SEMA6A: variants seen among roughly 807,000 people sequenced by gnomAD.
SEMA6A encodes semaphorin-6A.
In SEMA6A, 25 loss-of-function variants were observed where a neutral mutation model predicts 96.8. That is an observed-to-expected ratio of 0.26 (90% confidence interval 0.19 to 0.36). The LOEUF is 0.36. SEMA6A is among the 10% of genes least tolerant of loss of function. SEMA6A has a pLI of 1.00. For missense variants in SEMA6A, 1,363 were observed against 1,323.1 expected (o/e 1.03, Z -0.47); for synonymous variants, 612 against 518.0 (o/e 1.18, Z -2.46).
At chr5:116,521,725 T>A (rs529508592) in intron 1 of SEMA6A, among the ~76,000 whole-genome samples, 61 of 152,324 alleles carry the variant, frequency 4.0e-4, no homozygotes, top group African/African-American at 1.4e-3. Context: ...TGTCTCGGCG[T>A]AAAACAGAAC....
rs201428646 is a variant in SEMA6A, at chr5:116,534,861, CAGA to C, written c.-38-29882_-38-29880del. 9.5e-3 allele frequency among the ~76,000 whole-genome samples: 1,453 copies of C among 152,262 alleles called. 71 individuals carry two copies. Among genetic ancestry groups the C allele is most frequent in the Admixed American group, 0.084 (1,278 of 15,284 alleles). Reference sequence around the variant, plus strand: ...CAGATGAAGACTTTATACTTTTCTGCAGAAGGACTGTCTAGAAGGACTACAGAA... The same window carrying C: ...CAGATGAAGACTTTATACTTTTCTGCAGGACTGTCTAGAAGGACTACAGAA... On this transcript the variant is annotated intron_variant, in intron 1 of 18. Transcript: ENST00000343348.
chr5:116,572,142 G>A (rs1050296226), intron 1 of SEMA6A, among the ~76,000 whole-genome samples: 3 of 152,154 alleles, frequency 2.0e-5, no homozygotes, highest in African/African-American at 7.2e-5. Flanking sequence ...TAGCTTTTCT[G>A]AGACCTGCTG....
At chr5:116,552,640 C>A (rs1760463459) in intron 1 of SEMA6A, among the ~76,000 whole-genome samples, 1 of 152,144 alleles carries the variant, frequency 6.6e-6, no homozygotes, top group South Asian at 2.1e-4. Context: ...TGTGAGGGAG[C>A]ATCAGGCCAC....
intron 1 of SEMA6A, among the ~76,000 whole-genome samples, chr5:116,554,390 T>C (rs555006584): frequency 9.0e-4 from 137 of 152,334 alleles, no homozygotes; most frequent in Non-Finnish European, 1.6e-3. Context: ...TTATGGGGCA[T>C]AGTCAAACCA....
At chr5:116,494,547 C>T (rs1314566183) in intron 6 of SEMA6A, among the ~76,000 whole-genome samples, 2 of 152,160 alleles carry the variant, frequency 1.3e-5, no homozygotes, top group Non-Finnish European at 2.9e-5. Context: ...CCAGACTCCT[C>T]ACCTCATGCA....
rs1004942691 is a variant in SEMA6A, at chr5:116,507,996, A to G, written c.-38-3014T>C. ...TTAGGTTCATCTGAAACTAATTTGT[A>G]TTGACTTTCTACACCCAAATTTTTT... On this transcript the variant is annotated intron_variant, in intron 1 of 18. Transcript: ENST00000343348. The G allele has an allele frequency of 6.6e-5, 10 of 152,240 alleles. No individual in the cohort carries two copies. In the South Asian group the frequency reaches 2.1e-3, roughly 32 times the overall value. The allele number at this position is 152,240 out of a possible 1,614,324, so 9.4% of individuals were successfully genotyped here. A position where few individuals can be genotyped will look rare whatever the true frequency, so the allele number is the denominator to read the frequency against.
chr5:116,449,829 A>T (rs1319434009), intron 18 of SEMA6A: 2 of 152,604 alleles, frequency 1.3e-5, no homozygotes, highest in African/African-American at 2.4e-5. Flanking sequence ...TAAGATATCA[A>T]ATAATTTTCA....
At chr5:116,540,496 G>A (rs1580494049) in intron 1 of SEMA6A, among the ~76,000 whole-genome samples, 2 of 152,102 alleles carry the variant, frequency 1.3e-5, no homozygotes, top group African/African-American at 4.8e-5. Flanking sequence ...CATTCCTCCT[G>A]GGAAGGCCTG....
rs539690791 is a variant in SEMA6A, at chr5:116,486,209, G to C, written c.962+540C>G. On this transcript the variant is annotated intron_variant, in intron 10 of 18. Coordinates refer to ENST00000343348, the MANE Select transcript of SEMA6A (RefSeq NM_020796.5). ...GTTAATAACCAAAGTCCTTTATCTT[G>C]AATCCTAGATTTCACCCTGTAGCAA... Among the ~76,000 whole-genome samples the C allele has an allele frequency of 1.4e-4, 21 of 152,262 alleles. No individual in the cohort carries two copies. In the South Asian group the frequency reaches 4.3e-3, roughly 32 times the overall value.
At chr5:116,478,345 T>C (rs142514307) in intron 13 of SEMA6A, 191 bp from the exon 14 acceptor site, 7 of 754,398 alleles carry the variant, frequency 9.3e-6, no homozygotes, top group Middle Eastern at 3.7e-4. Context: ...CACACACATA[T>C]ATGTATCTAT....
Position 116,556,233 on chromosome 5 carries a change from A to T in SEMA6A, c.-39+17952T>A, listed in dbSNP as rs565037946. 4.6e-5 allele frequency among the ~76,000 whole-genome samples: 7 copies of T among 152,362 alleles called. No homozygotes were observed. In the South Asian group the frequency reaches 1.5e-3, roughly 32 times the overall value. The stretch of plus-strand genomic sequence containing the variant: ...TAGGCATGTACTATATTTCCTACAT[A>T]AAATGAAATAATGATTACTTACTTA... On this transcript the variant is annotated intron_variant, in intron 1 of 18. Transcript: ENST00000343348.
Position 116,551,030 on chromosome 5 carries a change from A to G in SEMA6A, c.-39+23155T>C, listed in dbSNP as rs116520860. 4.2e-3 allele frequency among the ~76,000 whole-genome samples: 642 copies of G among 152,272 alleles called. 4 individuals are homozygous for G. Among genetic ancestry groups the G allele is most frequent in the African/African-American group, 0.014 (600 of 41,542 alleles). ...GCTGGCATCCGTTAGCACATTTAAC[A>G]ACTAACACTGCACAAAAGGATCATT... is the stretch of plus-strand genomic sequence containing the variant. On this transcript the variant is annotated intron_variant, in intron 1 of 18. Coordinates refer to ENST00000343348, the MANE Select transcript of SEMA6A (RefSeq NM_020796.5).
intron 18 of SEMA6A, among the ~76,000 whole-genome samples, chr5:116,457,410 T>G (rs1755082475): frequency 6.6e-6 from 1 of 152,202 alleles, no homozygotes; most frequent in Non-Finnish European, 1.5e-5. Context: ...GAACTTCCAT[T>G]ATTTCTATAC....
chr5:116,472,890 A>G, intron 17 of SEMA6A, 183 bp downstream of exon 17: 4 of 1,512,384 alleles, frequency 2.6e-6, no homozygotes, highest in Non-Finnish European at 3.5e-6. Context: ...CTGACCATAC[A>G]CTGTGTTGTA....
chr5:116,481,970 C>T (rs575131128), intron 11 of SEMA6A, among the ~76,000 whole-genome samples: 44 of 152,258 alleles, frequency 2.9e-4, no homozygotes, highest in African/African-American at 1.0e-3. Flanking sequence ...TTCTCACCCT[C>T]GGTCTAGAGT....
At chr5:116,496,178 GGTCTATGGCTGGAGATAACA>G in intron 5 of SEMA6A, 53 bp downstream of exon 5, 1 of 1,226,072 alleles carries the variant, frequency 8.2e-7, no homozygotes, top group African/African-American at 1.5e-5. Context: ...TCTACATCAC[GGTCTATGGCTGGAGATAACA>G]GTCAAAAACT....
intron 4 of SEMA6A, among the ~76,000 whole-genome samples, 171 bp from the exon 5 acceptor site, chr5:116,496,484 C>T (rs79407874): frequency 0.022 from 3,292 of 152,200 alleles, 65 homozygotes; most frequent in Non-Finnish European, 0.031. Flanking sequence ...CAGATGAAAA[C>T]GTCCGTTTAA....
At chr5:116,564,655 C>T (rs548264913) in intron 1 of SEMA6A, among the ~76,000 whole-genome samples, 8 of 152,216 alleles carry the variant, frequency 5.3e-5, no homozygotes, top group Admixed American at 2.0e-4. Context: ...CCAAGTCACA[C>T]AATATATACA....
At chr5:116,454,011 C>T (rs866204291) in intron 18 of SEMA6A, among the ~76,000 whole-genome samples, 3 of 152,290 alleles carry the variant, frequency 2.0e-5, no homozygotes, top group East Asian at 1.9e-4. Flanking sequence ...TAACCTAACT[C>T]GAAATGGTTA....
Sources: allele counts gnomAD v4.1 joint callset (sites outside exome capture counted in the v4.1 genomes callset), GRCh38; gene constraint gnomAD v4.1.1; transcripts MANE v1.5; gene names NCBI Gene and HGNC (gene_info 2026-07-23, HGNC 2026-07-21).